The following DLG2 variants were observed in gnomAD, a reference collection of about 807,000 sequenced individuals.
The protein encoded by DLG2 is discs large MAGUK scaffold protein 2, also known as disks large homolog 2.
DLG2 carries 45 observed loss-of-function variants against 132.5 expected under a neutral mutation model. That is an observed-to-expected ratio of 0.34 (90% CI 0.27 to 0.44). The LOEUF (loss-of-function observed/expected upper bound fraction) is 0.44, where lower values mean the gene tolerates loss of function less well. Among genes scored for constraint, DLG2 ranks in the 20% least tolerant of loss-of-function variants. The pLI is 1.00. For missense variants in DLG2, 1,045 were observed against 1,196.9 expected, an observed-to-expected ratio of 0.87 and a Z score of 1.87; for synonymous variants, 424 against 419.6, an observed-to-expected ratio of 1.01 and a Z score of -0.13.
At chr11:85,625,085 C>T (rs1239158895) in intron 2 of DLG2, 1 of 152,060 alleles carries the variant, frequency 6.6e-6, no homozygotes, top group East Asian at 1.9e-4. Flanking sequence ...AATTGACCTT[C>T]CTCCTCTTCC....
At chr11:83,741,414 C>A (rs1407129708) in intron 18 of DLG2, among the ~76,000 whole-genome samples, 2 of 152,118 alleles carry the variant, frequency 1.3e-5, no homozygotes, top group African/African-American at 4.8e-5. Context: ...CCTAAAGACT[C>A]TACCAAAAGG....
chr11:84,331,434 C>T (rs1720209620), intron 7 of DLG2, among the ~76,000 whole-genome samples: 1 of 129,124 alleles, frequency 7.7e-6, no homozygotes, highest in African/African-American at 2.9e-5. Context: ...CACCATGTTA[C>T]TTATCTCAAA....
chr11:84,717,955 T>G (rs1265833476), intron 6 of DLG2, among the ~76,000 whole-genome samples: 1 of 152,070 alleles, frequency 6.6e-6, no homozygotes, highest in Non-Finnish European at 1.5e-5. Context: ...AAGTATAAAA[T>G]TTAGCTTTGA....
Position 83,698,432 on chromosome 11 carries a change from G to C in DLG2, c.1826-65107C>G, listed in dbSNP as rs531992789. Among the ~76,000 whole-genome samples the C allele has an allele frequency of 6.6e-5, 10 of 152,268 alleles. No individual in the cohort carries two copies. The East Asian group carries it at 1.4e-3, about 21-fold the overall frequency. ...GTAAAATTATTTTGTGAGTGAACCT[G>C]AACTGTATGTACAATGTCTTACTAA... On this transcript the variant is annotated intron_variant, in intron 18 of 27. Transcript: ENST00000376104.
At chr11:85,486,084 G>C (rs1197059111) in intron 3 of DLG2, among the ~76,000 whole-genome samples, 3 of 152,140 alleles carry the variant, frequency 2.0e-5, no homozygotes, top group Non-Finnish European at 4.4e-5. Flanking sequence ...GCCTTCCCTG[G>C]TGGTAGGCCC....
At chr11:85,021,345 C>T in intron 6 of DLG2, 1 of 1,288,838 alleles carries the variant, frequency 7.8e-7, no homozygotes, top group Non-Finnish European at 1.1e-6. Flanking sequence ...AGCCATACAT[C>T]TGTGCTGCAG....
At chr11:84,784,606 A>G (rs950497040) in intron 6 of DLG2, among the ~76,000 whole-genome samples, 22 of 152,118 alleles carry the variant, frequency 1.4e-4, no homozygotes, top group African/African-American at 5.1e-4. Flanking sequence ...TCATCTGTAA[A>G]TATTTTAAGA....
intron 15 of DLG2, among the ~76,000 whole-genome samples, chr11:83,883,203 T>A (rs1223006839): frequency 6.6e-6 from 1 of 152,186 alleles, no homozygotes; most frequent in African/African-American, 2.4e-5. Context: ...CTTTTTTTTA[T>A]ATGTGAGGGT....
chr11:85,333,958 G>A (rs1050112408), intron 3 of DLG2, among the ~76,000 whole-genome samples: 1 of 152,020 alleles, frequency 6.6e-6, no homozygotes, highest in Non-Finnish European at 1.5e-5. Flanking sequence ...GAATGAGTTA[G>A]AGAGGAGTCC....
chr11:84,420,270 G>A (rs2098944160), intron 7 of DLG2, among the ~76,000 whole-genome samples: 2 of 152,198 alleles, frequency 1.3e-5, no homozygotes, highest in South Asian at 4.1e-4. Flanking sequence ...AAGACTGCAA[G>A]AGCCGCACTT....
intron 6 of DLG2, among the ~76,000 whole-genome samples, chr11:85,106,784 G>C (rs193065931): frequency 6.6e-6 from 1 of 151,946 alleles, no homozygotes; most frequent in Non-Finnish European, 1.5e-5. Flanking sequence ...CTTACTAGTG[G>C]AAGAGTTAAT....
chr11:84,059,183 C>T (rs1051532643), intron 11 of DLG2, 132 bp downstream of exon 11: 48 of 810,444 alleles, frequency 5.9e-5, no homozygotes, highest in Non-Finnish European at 8.7e-5. Context: ...GTAACCACTA[C>T]TGTAGGATTT....
Position 85,042,292 on chromosome 11 carries a change from C to A in DLG2, c.357+69369G>T, listed in dbSNP as rs76585985. On this transcript the variant is annotated intron_variant, in intron 6 of 27. Coordinates refer to ENST00000376104, the MANE Select transcript of DLG2 (RefSeq NM_001142699.3). ...AAAATAAATAAGGTATCCAAAGGCACAGCTTGAAATGAGAAAACAGGATGA... is the reference window on the plus strand; with the variant it reads ...AAAATAAATAAGGTATCCAAAGGCAAAGCTTGAAATGAGAAAACAGGATGA... 6.4e-4 allele frequency among the ~76,000 whole-genome samples: 97 copies of A among 151,970 alleles called. 2 individuals carry two copies. The East Asian group carries it at 0.019, about 29-fold the overall frequency.
intron 9 of DLG2, among the ~76,000 whole-genome samples, chr11:84,144,043 G>A (rs956726638): frequency 6.6e-6 from 1 of 152,106 alleles, no homozygotes; most frequent in African/African-American, 2.4e-5. Flanking sequence ...GAAAATATCT[G>A]TCAGAGATGG....
chr11:83,591,949 C>T (rs1214818559), intron 19 of DLG2, among the ~76,000 whole-genome samples: 1 of 143,688 alleles, frequency 7.0e-6, no homozygotes, highest in African/African-American at 2.6e-5. Context: ...TGTGAAGGAC[C>T]TCTTCAAGGA....
chr11:85,275,522 C>G (rs956564894), intron 4 of DLG2, among the ~76,000 whole-genome samples: 1 of 151,992 alleles, frequency 6.6e-6, no homozygotes, highest in African/African-American at 2.4e-5. Context: ...AAATGTTTAA[C>G]TAATAGTGCA....
chr11:84,017,917 A>G (rs1566057892), intron 11 of DLG2, among the ~76,000 whole-genome samples: 1 of 152,032 alleles, frequency 6.6e-6, no homozygotes, highest in African/African-American at 2.4e-5. Flanking sequence ...ATGAGAAGTC[A>G]GGAATAATTC....
At chr11:85,267,242 G>A (rs767870482) in intron 4 of DLG2, among the ~76,000 whole-genome samples, 10 of 152,146 alleles carry the variant, frequency 6.6e-5, no homozygotes, top group African/African-American at 1.4e-4. Context: ...ACAACAACAC[G>A]GCTATCTATA....
At chr11:85,156,154 G>A (rs2077573837) in intron 4 of DLG2, among the ~76,000 whole-genome samples, 1 of 152,232 alleles carries the variant, frequency 6.6e-6, no homozygotes, top group Non-Finnish European at 1.5e-5. Context: ...TCTGATACTA[G>A]TCTATTGTAG....
Sources: gnomAD v4.1 joint callset for allele counts (sites outside exome capture counted in the v4.1 genomes callset) on GRCh38, gnomAD v4.1.1 for gene constraint, MANE v1.5 for transcripts, NCBI Gene and HGNC (gene_info 2026-07-23, HGNC 2026-07-21) for gene names.